Variants in BCKDHB observed in about 807,000 individuals in gnomAD.
BCKDHB encodes branched chain keto acid dehydrogenase E1 subunit beta.
BCKDHB carries 41 observed loss-of-function variants against 48.5 expected under a neutral mutation model. The ratio of observed to expected loss-of-function variants is 0.85; its 90% CI spans 0.66 to 1.10. The LOEUF is 1.10. BCKDHB is among the 50% of genes least tolerant of loss of function. The pLI is 0.00. For missense variants in BCKDHB, 496 were observed against 494.2 expected (o/e 1.00, Z -0.03); for synonymous variants, 201 against 174.8 (o/e 1.15, Z -1.18).
chr6:80,129,427 A>G (rs958202068), intron 3 of BCKDHB, among the ~76,000 whole-genome samples, 198 bp downstream of exon 3: 2 of 152,118 alleles, frequency 1.3e-5, no homozygotes, highest in Non-Finnish European at 2.9e-5. Context: ...TCTAGTTCAT[A>G]TTACACATAC....
chr6:80,414,071 T>C, the BCKDHB span, among the ~76,000 whole-genome samples: 1 of 152,206 alleles, frequency 6.6e-6, no homozygotes, highest in Non-Finnish European at 1.5e-5. Context: ...TTTTTCTTCA[T>C]ATGATCATTG....
intron 3 of BCKDHB, among the ~76,000 whole-genome samples, chr6:80,133,840 A>T (rs1770750902): frequency 1.3e-5 from 2 of 152,044 alleles, no homozygotes; most frequent in Non-Finnish European, 2.9e-5. Context: ...ACGGGGTTTC[A>T]TCATGTTGGC....
At chr6:80,403,111 G>T in the BCKDHB span, among the ~76,000 whole-genome samples, 3 of 151,594 alleles carry the variant, frequency 2.0e-5, no homozygotes. Context: ...CCATATGAAG[G>T]TTAACATTAT....
intron 8 of BCKDHB, among the ~76,000 whole-genome samples, chr6:80,243,878 G>A (rs1370462257): frequency 2.0e-5 from 3 of 152,118 alleles, no homozygotes; most frequent in Non-Finnish European, 2.9e-5. Flanking sequence ...AAGTGTTTCT[G>A]TGTAAGTGTA....
chr6:80,110,662 A>T (rs2127705679), intron 1 of BCKDHB, among the ~76,000 whole-genome samples: 1 of 152,332 alleles, frequency 6.6e-6, no homozygotes, highest in East Asian at 1.9e-4. Flanking sequence ...TAGGTCTAGG[A>T]CTGAGAACCA....
intron 9 of BCKDHB, among the ~76,000 whole-genome samples, chr6:80,286,184 T>C (rs1766620382): frequency 6.6e-6 from 1 of 152,154 alleles, no homozygotes; most frequent in Admixed American, 6.5e-5. Context: ...GCACAATACA[T>C]AATTAAGAAA....
At chr6:80,313,878 CT>C (rs1485382432) in intron 9 of BCKDHB, among the ~76,000 whole-genome samples, 2 of 152,134 alleles carry the variant, frequency 1.3e-5, no homozygotes, top group African/African-American at 4.8e-5. Flanking sequence ...AACCTGAGAT[CT>C]TTCCTAGCTT....
intron 9 of BCKDHB, among the ~76,000 whole-genome samples, chr6:80,280,544 G>A (rs991665171): frequency 3.9e-5 from 6 of 152,178 alleles, no homozygotes; most frequent in African/African-American, 1.4e-4. Flanking sequence ...CTAATAATAT[G>A]GTGCTTGATG....
intron 5 of BCKDHB, chr6:80,169,830 C>A: frequency 6.2e-7 from 1 of 1,607,768 alleles, no homozygotes; most frequent in Non-Finnish European, 8.5e-7. Flanking sequence ...ATAAGCTTAT[C>A]TTAGTTGAGT....
At chr6:80,179,115 T>C (rs977547850) in intron 6 of BCKDHB, among the ~76,000 whole-genome samples, 2 of 152,154 alleles carry the variant, frequency 1.3e-5, no homozygotes, top group African/African-American at 4.8e-5. Context: ...CTCAAGCTCC[T>C]GGGCTCAGGT....
chr6:80,357,761 C>T, the BCKDHB span, among the ~76,000 whole-genome samples: 12 of 152,254 alleles, frequency 7.9e-5, no homozygotes, highest in East Asian at 1.2e-3. Flanking sequence ...TTATTTGCAA[C>T]GATGCTCTGA....
intron 3 of BCKDHB, among the ~76,000 whole-genome samples, chr6:80,148,311 G>A (rs1771585211): frequency 2.0e-5 from 3 of 152,090 alleles, no homozygotes; most frequent in Admixed American, 2.0e-4. Context: ...TCAAGTGAAA[G>A]TCATCCTTCT....
At chr6:80,412,918 C>T in the BCKDHB span, among the ~76,000 whole-genome samples, 3 of 152,170 alleles carry the variant, frequency 2.0e-5, no homozygotes, top group Non-Finnish European at 4.4e-5. Context: ...TAGCTTTTTA[C>T]TCACTGCTTT....
At chr6:80,246,253 C>G (rs1276824653) in intron 8 of BCKDHB, among the ~76,000 whole-genome samples, 1 of 152,116 alleles carries the variant, frequency 6.6e-6, no homozygotes, top group Non-Finnish European at 1.5e-5. Context: ...GTGAGTTTCT[C>G]AGTGCATGGG....
chr6:80,360,584 C>T, the BCKDHB span, among the ~76,000 whole-genome samples: 1 of 152,126 alleles, frequency 6.6e-6, no homozygotes, highest in East Asian at 1.9e-4. Flanking sequence ...TTAGTGATGC[C>T]ATTTTTTTAT....
chr6:80,353,832 G>A, the BCKDHB span, among the ~76,000 whole-genome samples: 1 of 147,646 alleles, frequency 6.8e-6, no homozygotes, highest in Non-Finnish European at 1.5e-5. Context: ...CAGCCTGGGC[G>A]ACAAAGTGAG....
intron 9 of BCKDHB, among the ~76,000 whole-genome samples, chr6:80,336,358 G>A (rs1377464030): frequency 1.1e-4 from 16 of 151,502 alleles, no homozygotes; most frequent in Non-Finnish European, 1.5e-5. Flanking sequence ...AACCCATTTA[G>A]ATCAGAAATA....
At chr6:80,153,728 A>G (rs887457638) in intron 3 of BCKDHB, among the ~76,000 whole-genome samples, 10 of 152,004 alleles carry the variant, frequency 6.6e-5, no homozygotes, top group Non-Finnish European at 1.2e-4. Context: ...AATGTGCTTT[A>G]TCTTATTTGA....
At chr6:80,414,388 A>G in the BCKDHB span, among the ~76,000 whole-genome samples, 3 of 151,884 alleles carry the variant, frequency 2.0e-5, no homozygotes, top group Non-Finnish European at 2.9e-5. Flanking sequence ...CCAGGATGGT[A>G]TTTTCTAGGT....
Sources: allele counts gnomAD v4.1 joint callset (sites outside exome capture counted in the v4.1 genomes callset), GRCh38; gene constraint gnomAD v4.1.1; transcripts MANE v1.5; gene names NCBI Gene and HGNC (gene_info 2026-07-23, HGNC 2026-07-21).